Variants in PCDHA13 observed in about 807,000 individuals in gnomAD.
PCDHA13 encodes protocadherin alpha-13.
A neutral mutation model predicts 64.8 loss-of-function variants in PCDHA13; 54 were observed. The observed-to-expected ratio is 0.83, with a 90% CI of 0.67 to 1.04. The LOEUF (loss-of-function observed/expected upper bound fraction) is 1.04, where lower values mean the gene tolerates loss of function less well. Among genes scored for constraint, PCDHA13 ranks in the 50% least tolerant of loss-of-function variants. PCDHA13 has a pLI of 0.00. For missense variants in PCDHA13, 1,248 were observed against 1,254.3 expected (o/e 0.99, Z 0.08); for synonymous variants, 587 against 564.4 (o/e 1.04, Z -0.57).
At chr5:140,986,052 C>A (rs896963006) in intron 3 of PCDHA13, among the ~76,000 whole-genome samples, 3 of 152,066 alleles carry the variant, frequency 2.0e-5, no homozygotes, top group Admixed American at 1.3e-4. Flanking sequence ...CTGATGAATT[C>A]TTTTGCTTTT....
intron 1 of PCDHA13, among the ~76,000 whole-genome samples, chr5:140,962,815 A>C (rs782313534): frequency 3.3e-5 from 5 of 152,242 alleles, no homozygotes; most frequent in Non-Finnish European, 7.3e-5. Flanking sequence ...AACATCAGAG[A>C]TGACCATTTG....
intron 1 of PCDHA13, among the ~76,000 whole-genome samples, chr5:140,953,839 A>G (rs2094940958): frequency 6.6e-6 from 1 of 152,192 alleles, no homozygotes; most frequent in African/African-American, 2.4e-5. Flanking sequence ...TTTGTTACCC[A>G]GGTAAACATG....
rs546348432 is a variant in PCDHA13, at chr5:141,012,203, T to G, written c.*2266T>G. ...TTATAATGTATCTGTACAGCACTTTTTACATTTGCGAAGTGCTTTCCAATC... is the reference window on the plus strand; with the variant it reads ...TTATAATGTATCTGTACAGCACTTTGTACATTTGCGAAGTGCTTTCCAATC... On this transcript the variant is annotated 3_prime_UTR_variant, in exon 4 of 4. Transcript: ENST00000289272. 2.0e-5 allele frequency: 3 copies of G among 153,792 alleles called. No individual in the cohort carries two copies. The highest frequency in any genetic ancestry group is 4.4e-5 in the Non-Finnish European group (3 of 68,050). The allele number at this position is 153,792 out of a possible 1,614,324, so 9.5% of individuals were successfully genotyped here.
intron 3 of PCDHA13, among the ~76,000 whole-genome samples, chr5:141,000,248 C>T (rs1027764843): frequency 2.6e-5 from 4 of 151,280 alleles, no homozygotes; most frequent in Non-Finnish European, 4.4e-5. Context: ...GTGGCTGACA[C>T]CTGTGATCCT....
chr5:140,938,295 A>G (rs1458865676), intron 1 of PCDHA13, among the ~76,000 whole-genome samples: 1 of 152,190 alleles, frequency 6.6e-6, no homozygotes, highest in Non-Finnish European at 1.5e-5. Context: ...GTCATTGCCT[A>G]TGAAATTCAG....
intron 1 of PCDHA13, among the ~76,000 whole-genome samples, chr5:140,955,464 T>C (rs563782102): frequency 2.0e-5 from 3 of 152,218 alleles, no homozygotes; most frequent in South Asian, 2.1e-4. Context: ...TTTTTCCTTT[T>C]TGCTTGGCAC....
intron 1 of PCDHA13, among the ~76,000 whole-genome samples, chr5:140,961,280 CT>C (rs2153727915): frequency 6.6e-6 from 1 of 152,104 alleles, no homozygotes; most frequent in Admixed American, 6.5e-5. Flanking sequence ...TACCATGGCT[CT>C]GTTTCTTGAG....
intron 3 of PCDHA13, among the ~76,000 whole-genome samples, chr5:140,982,811 A>G (rs1024619481): frequency 1.3e-5 from 2 of 150,966 alleles, no homozygotes; most frequent in Non-Finnish European, 1.5e-5. Flanking sequence ...GTGTGTGTGT[A>G]TGAAGTTTTT....
Position 140,939,297 on chromosome 5 carries a change from T to C in PCDHA13, c.2395-39652T>C, listed in dbSNP as rs116782192. Among the ~76,000 whole-genome samples the C allele has an allele frequency of 5.4e-3, 827 of 152,242 alleles. 3 individuals are homozygous for C. The highest frequency in any genetic ancestry group is 0.019 in the African/African-American group (796 of 41,542). ...TGTGCCCTCGTGATCTAATCATCTC[T>C]ACAAAAGCCCTACCTCCTAATATCA... On this transcript the variant is annotated intron_variant, in intron 1 of 3. Coordinates refer to ENST00000289272, the MANE Select transcript of PCDHA13 (RefSeq NM_018904.3).
intron 1 of PCDHA13, among the ~76,000 whole-genome samples, chr5:140,964,480 C>T (rs2095835890): frequency 6.6e-6 from 1 of 152,122 alleles, no homozygotes; most frequent in Non-Finnish European, 1.5e-5. Flanking sequence ...GATTTTTTCA[C>T]AGTCACAGGT....
intron 1 of PCDHA13, among the ~76,000 whole-genome samples, chr5:140,959,927 C>A (rs1554224406): frequency 6.6e-6 from 1 of 152,038 alleles, no homozygotes; most frequent in African/African-American, 2.4e-5. Flanking sequence ...TTGTAAAGCC[C>A]CATTACTTAG....
Position 141,010,957 on chromosome 5 carries a change from C to CT in PCDHA13, c.*1021dup, listed in dbSNP as rs1342734442. The CT allele has an allele frequency of 6.5e-5, 10 of 153,858 alleles. No homozygotes were observed. Among genetic ancestry groups the CT allele is most frequent in the African/African-American group, 2.4e-4 (10 of 41,554 alleles). The allele number at this position is 153,858 out of a possible 1,614,324, so 9.5% of individuals were successfully genotyped here. A position where few individuals can be genotyped will look rare whatever the true frequency, so the allele number is the denominator to read the frequency against. On this transcript the variant is annotated 3_prime_UTR_variant, in exon 4 of 4. Coordinates refer to ENST00000289272, the MANE Select transcript of PCDHA13 (RefSeq NM_018904.3). ...ACAGCCATTTAAATGATCATTGCTG[C>CT]TACAGAAGTGCTTTAAGAGAATTGC...
chr5:140,896,227 A>G (rs1332090647), intron 1 of PCDHA13, among the ~76,000 whole-genome samples: 1 of 152,230 alleles, frequency 6.6e-6, no homozygotes, highest in Non-Finnish European at 1.5e-5. Flanking sequence ...TCTTTATAGT[A>G]GAATGACTTA....
intron 3 of PCDHA13, among the ~76,000 whole-genome samples, chr5:140,991,081 AAAATT>A (rs782742337): frequency 6.6e-6 from 1 of 152,236 alleles, no homozygotes. Flanking sequence ...TTCAGATAAA[AAAATT>A]AAAGCTCATA....
intron 3 of PCDHA13, among the ~76,000 whole-genome samples, chr5:140,984,251 T>C (rs1164028325): frequency 6.6e-6 from 1 of 152,210 alleles, no homozygotes; most frequent in Non-Finnish European, 1.5e-5. Flanking sequence ...GTCGACCTGG[T>C]AAGCCACAAA....
At position 140,882,963 on chromosome 5, in the gene PCDHA13, T is replaced by C. The variant is rs2059384915; in HGVS notation, c.695T>C (p.Ile232Thr). The C allele has an allele frequency of 3.7e-6, 6 of 1,614,088 alleles. No homozygotes were observed. Among genetic ancestry groups the C allele is most frequent in the Admixed American group, 1.7e-5 (1 of 60,000 alleles). The change falls in exon 1 of 4, where the codon ATT (isoleucine) becomes ACT (threonine). Residue 232 changes from isoleucine to threonine, a missense_variant. By Grantham distance (89) the Ile-to-Thr change is moderately conservative. Coordinates refer to ENST00000289272, the MANE Select transcript of PCDHA13 (RefSeq NM_018904.3). Reference sequence around the variant, plus strand: ...GGCACAGTTCAGCTGCTCATCACGATTCTGGACGTGAATGACAACGCCCCG... The same window carrying C: ...GGCACAGTTCAGCTGCTCATCACGACTCTGGACGTGAATGACAACGCCCCG... ...LTGTVQLLIT[I>T]LDVNDNAPEF... is the part of the protein sequence containing the mutation.
At chr5:140,956,057 T>C (rs2095252530) in intron 1 of PCDHA13, among the ~76,000 whole-genome samples, 1 of 152,308 alleles carries the variant, frequency 6.6e-6, no homozygotes, top group South Asian at 2.1e-4. Flanking sequence ...GCTGAGACAA[T>C]GGGGTTTTCC....
In PCDHA13 at chr5:140,936,286, A is replaced by G. The variant is rs73266055; in HGVS notation, c.2395-42663A>G. Among the ~76,000 whole-genome samples the G allele has an allele frequency of 3.3e-3, 501 of 152,358 alleles. 2 individuals are homozygous for G. The highest frequency in any genetic ancestry group is 0.012 in the African/African-American group (482 of 41,580). On this transcript the variant is annotated intron_variant, in intron 1 of 3. Transcript: ENST00000289272. ...AAGATATATTCCTGTGTTTTCTTCT[A>G]TAACATTGCTATCCAATAGAACTTT...
In PCDHA13 at chr5:140,883,882, C is replaced by T. The variant is rs200536915; in HGVS notation, c.1614C>T (p.Arg538=). Residue 538 remains arginine, a synonymous_variant, in exon 1 of 4, where the codon CGC becomes CGT. Coordinates refer to ENST00000289272, the MANE Select transcript of PCDHA13 (RefSeq NM_018904.3). ...TGTTGCAGTTCCAGGTGAGCGCGCG[C>T]GACTCTGGCGTGCCGCCTCTGGGCA... is the stretch of plus-strand genomic sequence containing the variant. ...LELLQFQVSA[R]DSGVPPLGSN... 11 of 1,613,068 alleles carry T rather than the reference C, an allele frequency of 6.8e-6. No individual in the cohort carries two copies. The highest frequency in any genetic ancestry group is 1.7e-4 in the Middle Eastern group (1 of 5,804).
Sources: allele counts gnomAD v4.1 joint callset (sites outside exome capture counted in the v4.1 genomes callset), GRCh38; gene constraint gnomAD v4.1.1; transcripts MANE v1.5; gene names NCBI Gene and HGNC (gene_info 2026-07-23, HGNC 2026-07-21).